The following ARID1B variants were observed in gnomAD, a reference collection of about 807,000 sequenced individuals.
ARID1B encodes the protein AT-rich interactive domain-containing protein 1B.
ARID1B carries 30 observed loss-of-function variants against 212.3 expected under a neutral mutation model. That is an observed-to-expected ratio of 0.14 (90% CI 0.11 to 0.19). The LOEUF (loss-of-function observed/expected upper bound fraction) is 0.19, where lower values mean the gene tolerates loss of function less well. Ranked by LOEUF, ARID1B falls within the 10% of genes least tolerant of loss-of-function variation. The pLI is 1.00. For synonymous variants in ARID1B, 1,402 were observed against 1,301.7 expected (o/e 1.08, Z -1.66); for missense variants, 2,891 against 3,204.0 (o/e 0.90, Z 2.36).
At chr6:157,031,390 T>C (rs780412183) in intron 4 of ARID1B, among the ~76,000 whole-genome samples, 9 of 152,314 alleles carry the variant, frequency 5.9e-5, no homozygotes, top group Non-Finnish European at 8.8e-5. Flanking sequence ...TGGACACCAA[T>C]GTAGGCAAAA....
intron 1 of ARID1B, among the ~76,000 whole-genome samples, chr6:156,782,845 G>A (rs1321693630): frequency 6.6e-6 from 1 of 152,172 alleles, no homozygotes; most frequent in East Asian, 1.9e-4. Flanking sequence ...TTAAAAAACA[G>A]GAAAAGAAAA....
chr6:157,029,770 A>G (rs1470271582), intron 4 of ARID1B, among the ~76,000 whole-genome samples: 1 of 152,242 alleles, frequency 6.6e-6, no homozygotes, highest in Non-Finnish European at 1.5e-5. Flanking sequence ...AGCGGGTGGC[A>G]GGACCGAGGA....
At chr6:156,985,600 G>A (rs1200069609) in intron 4 of ARID1B, 1 of 152,044 alleles carries the variant, frequency 6.6e-6, no homozygotes, top group African/African-American at 2.4e-5. Flanking sequence ...TTTCCCTTTA[G>A]TGTTCAGCTT....
chr6:156,890,309 G>A (rs1787822650), intron 2 of ARID1B, among the ~76,000 whole-genome samples: 1 of 152,172 alleles, frequency 6.6e-6, no homozygotes, highest in Admixed American at 6.5e-5. Flanking sequence ...ATCCAAGAGG[G>A]ATTGTATGTG....
At chr6:156,822,759 G>T (rs923476571) in intron 1 of ARID1B, among the ~76,000 whole-genome samples, 1 of 152,190 alleles carries the variant, frequency 6.6e-6, no homozygotes, top group African/African-American at 2.4e-5. Flanking sequence ...GCTTCTGGGT[G>T]GTGCCACTGG....
At position 157,205,323 on chromosome 6, in the gene ARID1B, T is replaced by C. The variant is rs540576492; in HGVS notation, c.5395-844T>C. On this transcript the variant is annotated intron_variant, in intron 19 of 19. Coordinates refer to ENST00000636930, the MANE Select transcript of ARID1B (RefSeq NM_001374828.1). Reference sequence around the variant, plus strand: ...AGAACATCTACCGGGAAAGAATCCTTGTTAGAATCCTTGTTACTTACTCTT... The same window carrying C: ...AGAACATCTACCGGGAAAGAATCCTCGTTAGAATCCTTGTTACTTACTCTT... 2.6e-5 allele frequency: 4 copies of C among 152,342 alleles called. No homozygotes were observed. The East Asian group carries it at 7.7e-4, about 29-fold the overall frequency. The allele number at this position is 152,342 out of a possible 1,614,324, so 9.4% of individuals were successfully genotyped here.
chr6:157,123,943 T>C (rs1787953492), intron 6 of ARID1B, among the ~76,000 whole-genome samples: 1 of 152,256 alleles, frequency 6.6e-6, no homozygotes, highest in African/African-American at 2.4e-5. Flanking sequence ...CCCAGGCAGT[T>C]GGTCTGCAGA....
At chr6:156,812,975 T>TGTATATACATAC (rs1554254430) in intron 1 of ARID1B, among the ~76,000 whole-genome samples, 1,422 of 103,206 alleles carry the variant, frequency 0.014, 24 homozygotes, top group Non-Finnish European at 0.02. Flanking sequence ...TGTGTGTGTG[T>TGTATATACATAC]GTATGTATAT....
At chr6:157,172,344 T>C (rs1791769205) in intron 9 of ARID1B, among the ~76,000 whole-genome samples, 1 of 152,328 alleles carries the variant, frequency 6.6e-6, no homozygotes, top group African/African-American at 2.4e-5. Flanking sequence ...CTGATCCCAA[T>C]AGATTTTTCT....
chr6:157,161,385 T>C (rs1254322816), intron 8 of ARID1B, among the ~76,000 whole-genome samples: 1 of 151,272 alleles, frequency 6.6e-6, no homozygotes, highest in Non-Finnish European at 1.5e-5. Flanking sequence ...ACACCAAAAA[T>C]TGACCAGGGC....
chr6:157,142,237 G>A (rs1229496924), intron 7 of ARID1B, among the ~76,000 whole-genome samples: 1 of 152,174 alleles, frequency 6.6e-6, no homozygotes, highest in Non-Finnish European at 1.5e-5. Context: ...GGGGAAGAGG[G>A]AACTTTTCCC....
At chr6:156,809,356 A>G (rs1781402716) in intron 1 of ARID1B, among the ~76,000 whole-genome samples, 1 of 152,240 alleles carries the variant, frequency 6.6e-6, no homozygotes, top group South Asian at 2.1e-4. Context: ...CATCCTGTGT[A>G]TAAATTAAGC....
intron 2 of ARID1B, among the ~76,000 whole-genome samples, chr6:156,857,904 T>A (rs1396503710): frequency 6.6e-6 from 1 of 152,218 alleles, no homozygotes; most frequent in Non-Finnish European, 1.5e-5. Flanking sequence ...TCTAGGCAAC[T>A]GGAACACAGT....
At chr6:156,947,875 C>T (rs1338151149) in intron 4 of ARID1B, among the ~76,000 whole-genome samples, 1 of 152,178 alleles carries the variant, frequency 6.6e-6, no homozygotes, top group East Asian at 1.9e-4. Flanking sequence ...GATTTCTTAA[C>T]ATGCATGTAT....
At chr6:156,929,575 A>G (rs1010443310) in intron 3 of ARID1B, among the ~76,000 whole-genome samples, 5 of 152,270 alleles carry the variant, frequency 3.3e-5, no homozygotes, top group Admixed American at 6.5e-5. Flanking sequence ...GACTACTCAA[A>G]TCGTCATTCA....
chr6:157,112,832 T>G (rs1787019446), intron 6 of ARID1B, among the ~76,000 whole-genome samples: 1 of 152,314 alleles, frequency 6.6e-6, no homozygotes, highest in African/African-American at 2.4e-5. Flanking sequence ...ATGATTATTG[T>G]TTTTCCTTCG....
At chr6:157,082,979 C>T (rs1784733604) in intron 4 of ARID1B, among the ~76,000 whole-genome samples, 1 of 152,180 alleles carries the variant, frequency 6.6e-6, no homozygotes, top group Non-Finnish European at 1.5e-5. Flanking sequence ...ATAACAGATG[C>T]TTACCAGATA....
chr6:156,838,733 A>AATAATAATAAT (rs1049287456), intron 2 of ARID1B, among the ~76,000 whole-genome samples: 1 of 149,676 alleles, frequency 6.7e-6, no homozygotes, highest in African/African-American at 2.5e-5. Flanking sequence ...TAATAATAAT[A>AATAATAATAAT]AACAAAAAAA....
At chr6:157,063,872 A>G (rs552178081) in intron 4 of ARID1B, among the ~76,000 whole-genome samples, 6 of 152,324 alleles carry the variant, frequency 3.9e-5, no homozygotes, top group African/African-American at 7.2e-5. Flanking sequence ...TCAGAAACCA[A>G]TGTTACCAGG....
Sources: gnomAD v4.1 joint callset for allele counts (sites outside exome capture counted in the v4.1 genomes callset) on GRCh38, gnomAD v4.1.1 for gene constraint, MANE v1.5 for transcripts, NCBI Gene and HGNC (gene_info 2026-07-23, HGNC 2026-07-21) for gene names.